The following RTCB variants were observed in gnomAD, a reference collection of about 807,000 sequenced individuals.
RTCB encodes the protein RNA 2',3'-cyclic phosphate and 5'-OH ligase.
RTCB carries 32 observed loss-of-function variants against 58.2 expected under a neutral mutation model. The observed-to-expected ratio is 0.55, with a 90% CI of 0.41 to 0.74. RTCB has a LOEUF of 0.74. Ranked by LOEUF, RTCB falls within the 30% of genes least tolerant of loss-of-function variation. The pLI, the probability that RTCB is intolerant of heterozygous loss-of-function variation, is 0.00. For synonymous variants in RTCB, 247 were observed against 218.6 expected, an observed-to-expected ratio of 1.13 and a Z score of -1.15; for missense variants, 523 against 639.0, an observed-to-expected ratio of 0.82 and a Z score of 1.96.
intron 4 of RTCB, among the ~76,000 whole-genome samples, chr22:32,403,990 G>A (rs576104554): frequency 6.6e-6 from 1 of 152,318 alleles, no homozygotes; most frequent in East Asian, 1.9e-4. Flanking sequence ...CATCCATGCT[G>A]TAGTAAATGG....
chr22:32,399,811 C>T, intron 5 of RTCB, 52 bp from the exon 6 acceptor site: 3 of 1,531,100 alleles, frequency 2.0e-6, no homozygotes, highest in Non-Finnish European at 1.8e-6. Context: ...CAGATCAAAA[C>T]CTAAGGATGA....
intron 3 of RTCB, 27 bp downstream of exon 3, chr22:32,408,148 T>C (rs375006170): frequency 1.3e-6 from 2 of 1,598,176 alleles, no homozygotes; most frequent in South Asian, 1.1e-5. Flanking sequence ...GAAATATAAA[T>C]GATTAAAGTT....
At chr22:32,410,048 C>G (rs1601432935) in intron 1 of RTCB, among the ~76,000 whole-genome samples, 1 of 152,284 alleles carries the variant, frequency 6.6e-6, no homozygotes, top group East Asian at 1.9e-4. Flanking sequence ...GATCTCCTGA[C>G]CTCATGATCC....
chr22:32,387,916 A>T lies in RTCB; in HGVS notation c.*76T>A, dbSNP rs1484684461. 3 of 969,440 alleles carry T rather than the reference A, an allele frequency of 3.1e-6. No homozygotes were observed. The highest frequency in any genetic ancestry group is 5.0e-6 in the Non-Finnish European group (3 of 604,118). 60.1% of individuals were successfully genotyped at this position (969,440 alleles called of 1,614,324 possible). A position where few individuals can be genotyped will look rare whatever the true frequency, so the allele number is the denominator to read the frequency against. On this transcript the variant is annotated 3_prime_UTR_variant, in exon 12 of 12. Transcript: ENST00000216038. ...TGCAACTTGTCCCGCCTTGAGTCTG[A>T]TGTCAGAAGAGCATGTCAGTCCACT...
At position 32,396,055 on chromosome 22, in the gene RTCB, A is replaced by C; in HGVS notation, c.990+19T>G. On this transcript the variant is annotated intron_variant, in intron 8 of 11. Coordinates refer to ENST00000216038, the MANE Select transcript of RTCB (RefSeq NM_014306.5). The stretch of plus-strand genomic sequence containing the variant: ...ATCATCATGAATGACTCGGAACAGA[A>C]GAGCAACTTCTACTGTACCTGACGG... 6.2e-7 allele frequency: 1 copy of C among 1,612,586 alleles called. No homozygotes were observed. The highest frequency in any genetic ancestry group is 1.1e-5 in the South Asian group (1 of 90,910).
intron 1 of RTCB, among the ~76,000 whole-genome samples, 172 bp from the exon 2 acceptor site, chr22:32,409,005 C>T (rs538031347): frequency 3.5e-4 from 53 of 152,268 alleles, no homozygotes; most frequent in African/African-American, 1.2e-3. Flanking sequence ...CTGCTCCCAT[C>T]GGAAAATATA....
intron 10 of RTCB, among the ~76,000 whole-genome samples, chr22:32,392,887 G>A (rs554452732): frequency 1.3e-5 from 2 of 152,318 alleles, no homozygotes; most frequent in South Asian, 4.2e-4. Flanking sequence ...AAAGGGGCCG[G>A]CAAACTACGG....
chr22:32,403,989 T>C (rs931873287), intron 4 of RTCB, among the ~76,000 whole-genome samples: 2 of 152,256 alleles, frequency 1.3e-5, no homozygotes, highest in Non-Finnish European at 2.9e-5. Context: ...TCATCCATGC[T>C]GTAGTAAATG....
At chr22:32,407,788 G>T (rs2145898585) in intron 3 of RTCB, 1 of 168,106 alleles carries the variant, frequency 5.9e-6, no homozygotes, top group East Asian at 1.6e-4. Flanking sequence ...TAGGGACAGG[G>T]TCTCACTCTG....
intron 4 of RTCB, among the ~76,000 whole-genome samples, chr22:32,406,458 G>A (rs891649389): frequency 6.6e-6 from 1 of 152,058 alleles, no homozygotes; most frequent in Non-Finnish European, 1.5e-5. Flanking sequence ...AAGTAGCTGG[G>A]AGTACAGGTG....
intron 3 of RTCB, among the ~76,000 whole-genome samples, chr22:32,407,103 T>C (rs368843228): frequency 1.8e-4 from 28 of 152,202 alleles, no homozygotes; most frequent in African/African-American, 6.3e-4. Flanking sequence ...CTTTGGTTTG[T>C]CAGGTTAAGA....
intron 3 of RTCB, 63 bp downstream of exon 3, chr22:32,408,112 C>A: frequency 7.3e-7 from 1 of 1,379,164 alleles, no homozygotes; most frequent in South Asian, 1.2e-5. Flanking sequence ...TCAGGCATGG[C>A]CATTCATCCA....
Position 32,395,166 on chromosome 22 carries a change from C to T in RTCB, c.1039G>A (p.Val347Met). 3.7e-6 allele frequency: 6 copies of T among 1,614,232 alleles called. No homozygotes were observed. The highest frequency in any genetic ancestry group is 5.1e-6 in the Non-Finnish European group (6 of 1,180,036). The change falls in exon 9 of 12, where the codon GTG becomes ATG. Residue 347 changes from valine to methionine, a missense_variant. Around this residue, in one of 3 missense-constraint regions of RTCB, gnomAD observed 248 missense variants for 292.5 expected, o/e 0.85. Transcript: ENST00000216038. ...NTTPDDLDLH[V>M]IYDVSHNIAK... ...ATGTTGTGAGAAACATCATAGATCA[C>T]ATGTAGGTCCAAGTCATCAGGGGTT...
chr22:32,396,713 G>A (rs1377047879), intron 7 of RTCB, among the ~76,000 whole-genome samples: 1 of 152,190 alleles, frequency 6.6e-6, no homozygotes, highest in African/African-American at 2.4e-5. Flanking sequence ...GGTCAGGCTG[G>A]CACAAATTAT....
chr22:32,404,713 C>T (rs765969133), intron 4 of RTCB, among the ~76,000 whole-genome samples: 4 of 152,150 alleles, frequency 2.6e-5, no homozygotes, highest in Non-Finnish European at 5.9e-5. Context: ...GGGTCTCACT[C>T]TGTCGCCCAT....
At chr22:32,396,936 C>T (rs756585908) in intron 7 of RTCB, among the ~76,000 whole-genome samples, 3 of 152,200 alleles carry the variant, frequency 2.0e-5, no homozygotes, top group Non-Finnish European at 4.4e-5. Context: ...CTGACAACTG[C>T]GTCTGTTGCC....
intron 4 of RTCB, among the ~76,000 whole-genome samples, chr22:32,404,723 T>G (rs189425934): frequency 2.0e-4 from 30 of 152,050 alleles, no homozygotes; most frequent in Non-Finnish European, 2.9e-4. Flanking sequence ...CTGTCGCCCA[T>G]GCTGGACTGC....
rs1247936178 is a variant in RTCB at position 32,392,266 on chromosome 22, C to A, written c.1384G>T (p.Ala462Ser). The change falls in exon 11 of 12, where the codon GCC becomes TCC. Residue 462 changes from alanine (A) to serine (S), a missense_variant. Physicochemically the swap from Ala to Ser is moderately conservative, Grantham distance 99. Coordinates refer to ENST00000216038, the MANE Select transcript of RTCB (RefSeq NM_014306.5). Reference sequence around the variant, plus strand: ...TCTTCCATAACCAGTTTGGGTGAGGCAACACGGATCGCAATTCCCATATCT... The same window carrying A: ...TCTTCCATAACCAGTTTGGGTGAGGAAACACGGATCGCAATTCCCATATCT... Reference protein sequence around the residue: ...LADMGIAIRVASPKLVMEEAP... With the variant: ...LADMGIAIRVSSPKLVMEEAP... 5 of 1,613,592 alleles carry A rather than the reference C, an allele frequency of 3.1e-6. No individual in the cohort carries two copies. Among genetic ancestry groups the A allele is most frequent in the Non-Finnish European group, 4.2e-6 (5 of 1,179,926 alleles).
intron 6 of RTCB, among the ~76,000 whole-genome samples, chr22:32,398,889 G>C (rs28630758): frequency 0.08 from 12,212 of 152,210 alleles, 568 homozygotes; most frequent in African/African-American, 0.12. Context: ...AGTCTTTAGA[G>C]GTTGCCTAGT....
Sources: allele counts gnomAD v4.1 joint callset (sites outside exome capture counted in the v4.1 genomes callset), GRCh38; gene constraint gnomAD v4.1.1; regional missense constraint gnomAD v4.1.1; transcripts MANE v1.5; gene names NCBI Gene and HGNC (gene_info 2026-07-23, HGNC 2026-07-21).